The following BRAF variants were observed in gnomAD, a reference collection of about 807,000 sequenced individuals.
BRAF encodes serine/threonine-protein kinase B-raf.
BRAF carries 16 observed loss-of-function variants against 104.6 expected under a neutral mutation model. The observed-to-expected ratio is 0.15, with a 90% CI of 0.10 to 0.23. The LOEUF (loss-of-function observed/expected upper bound fraction) is 0.23, where lower values mean the gene tolerates loss of function less well. Among genes scored for constraint, BRAF ranks in the 10% least tolerant of loss-of-function variants. The pLI is 1.00. For missense variants in BRAF, 541 were observed against 937.3 expected, an observed-to-expected ratio of 0.58 and a Z score of 5.52; for synonymous variants, 310 against 341.6, an observed-to-expected ratio of 0.91 and a Z score of 1.02.
intron 8 of BRAF, among the ~76,000 whole-genome samples, chr7:140,790,435 T>C (rs1801835998): frequency 6.6e-6 from 1 of 152,196 alleles, no homozygotes; most frequent in Admixed American, 6.5e-5. Flanking sequence ...TTACATCCCT[T>C]CCCTTCATCA....
intron 14 of BRAF, among the ~76,000 whole-genome samples, chr7:140,764,203 A>G (rs1362928593): frequency 2.0e-5 from 3 of 151,692 alleles, no homozygotes; most frequent in Non-Finnish European, 4.4e-5. Flanking sequence ...AAACCACATG[A>G]TTATCTCAAT....
chr7:140,867,438 T>G (rs866430037), intron 1 of BRAF, among the ~76,000 whole-genome samples: 2 of 152,072 alleles, frequency 1.3e-5, no homozygotes, highest in Middle Eastern at 3.4e-3. Context: ...ATTTAATGAG[T>G]GCCAGGGTTC....
At chr7:140,740,053 G>GT in intron 17 of BRAF, 107 bp from the exon 17 acceptor site, 1 of 1,231,850 alleles carries the variant, frequency 8.1e-7, no homozygotes, top group Non-Finnish European at 1.1e-6. Context: ...AGCTTACGAT[G>GT]TATGTATTAC....
At chr7:140,760,349 G>A (rs1798573685) in intron 14 of BRAF, among the ~76,000 whole-genome samples, 1 of 151,574 alleles carries the variant, frequency 6.6e-6, no homozygotes, top group South Asian at 2.1e-4. Context: ...GGAGACAGAG[G>A]TTGTAGTGAG....
chr7:140,902,959 T>A (rs1413413164), intron 1 of BRAF, among the ~76,000 whole-genome samples: 1 of 149,410 alleles, frequency 6.7e-6, no homozygotes, highest in African/African-American at 2.5e-5. Flanking sequence ...AGTTTCGCTC[T>A]TTTTGCCTAG....
chr7:140,754,361 A>G, intron 14 of BRAF, 128 bp from the exon 14 acceptor site: 2 of 783,952 alleles, frequency 2.6e-6, no homozygotes, highest in Non-Finnish European at 4.5e-6. Context: ...GTACATTGTA[A>G]TAAACCCTTC....
intron 1 of BRAF, among the ~76,000 whole-genome samples, chr7:140,875,958 C>A (rs1000763917): frequency 6.6e-6 from 1 of 152,160 alleles, no homozygotes; most frequent in African/African-American, 2.4e-5. Flanking sequence ...AAATTCCTCA[C>A]ACAGAAGGGA....
chr7:140,908,706 G>A (rs2129137333), intron 1 of BRAF, among the ~76,000 whole-genome samples: 1 of 152,284 alleles, frequency 6.6e-6, no homozygotes, highest in South Asian at 2.1e-4. Flanking sequence ...TGTGTAGACA[G>A]TTCAGTTGTT....
intron 14 of BRAF, among the ~76,000 whole-genome samples, chr7:140,761,350 C>T (rs1418603238): frequency 6.6e-5 from 10 of 151,914 alleles, no homozygotes; most frequent in African/African-American, 2.2e-4. Flanking sequence ...AGAGATTTTG[C>T]CACCCCCAGG....
intron 1 of BRAF, among the ~76,000 whole-genome samples, chr7:140,915,890 G>A (rs1586647075): frequency 2.0e-5 from 3 of 150,964 alleles, no homozygotes; most frequent in South Asian, 4.3e-4. Flanking sequence ...TGGGTGCGGT[G>A]GCTCATGCCT....
At chr7:140,811,098 T>C (rs1238445644) in intron 3 of BRAF, among the ~76,000 whole-genome samples, 1 of 152,164 alleles carries the variant, frequency 6.6e-6, no homozygotes, top group Admixed American at 6.5e-5. Flanking sequence ...CAGCCGTGAG[T>C]TCAATGTTAA....
At chr7:140,916,710 C>T (rs1046355061) in intron 1 of BRAF, among the ~76,000 whole-genome samples, 4 of 152,130 alleles carry the variant, frequency 2.6e-5, no homozygotes, top group Non-Finnish European at 5.9e-5. Flanking sequence ...TGAACCTCAC[C>T]ACCACATAAT....
At chr7:140,884,999 T>G (rs975299120) in intron 1 of BRAF, among the ~76,000 whole-genome samples, 4 of 152,160 alleles carry the variant, frequency 2.6e-5, no homozygotes, top group African/African-American at 4.8e-5. Context: ...TATTTGTTTG[T>G]TTATTTATTC....
At chr7:140,871,198 C>T (rs945106846) in intron 1 of BRAF, among the ~76,000 whole-genome samples, 1 of 140,346 alleles carries the variant, frequency 7.1e-6, no homozygotes, top group Non-Finnish European at 1.6e-5. Context: ...GCCGAGATCG[C>T]GCCACTACTC....
chr7:140,916,362 CAT>C (rs1276741824), intron 1 of BRAF, among the ~76,000 whole-genome samples: 1 of 152,132 alleles, frequency 6.6e-6, no homozygotes, highest in Non-Finnish European at 1.5e-5. Context: ...TTAGAAGAAA[CAT>C]AATGATTTAA....
intron 19 of BRAF, chr7:140,733,833 C>A: frequency 4.2e-6 from 1 of 240,104 alleles, no homozygotes; most frequent in East Asian, 1.6e-4. Context: ...GGGAGCAATG[C>A]GTTTGCAACA....
chr7:140,719,782 TG>T lies in BRAF; in HGVS notation c.*6711del. On this transcript the variant is annotated 3_prime_UTR_variant, in exon 20 of 20. Coordinates refer to ENST00000644969, the MANE Select transcript of BRAF (RefSeq NM_001374258.1). ...TGCAAAGCAGGTATAGAGAGGTCTG[TG>T]GACAATTAAAAAGTCCCCATCTTTT... 1 of 1,062,802 alleles carries T rather than the reference TG, an allele frequency of 9.4e-7. No individual in the cohort carries two copies. Among genetic ancestry groups the T allele is most frequent in the Non-Finnish European group, 1.1e-6 (1 of 877,760 alleles). The allele number at this position is 1,062,802 out of a possible 1,614,324, so 65.8% of individuals were successfully genotyped here.
At chr7:140,735,315 G>A (rs1300037620) in intron 18 of BRAF, among the ~76,000 whole-genome samples, 1 of 152,174 alleles carries the variant, frequency 6.6e-6, no homozygotes, top group Admixed American at 6.5e-5. Context: ...AGTGACAGGG[G>A]ACAACCCAAG....
Position 140,722,713 on chromosome 7 carries a change from C to CA in BRAF, c.*3780dup. On this transcript the variant is annotated 3_prime_UTR_variant, in exon 20 of 20. Transcript: ENST00000644969. ...TTTCTATGAATGCCTGTGCATGTGACAAAGCTGCAGCAAACTCATTATGAG... is the reference window on the plus strand; with the variant it reads ...TTTCTATGAATGCCTGTGCATGTGACAAAAGCTGCAGCAAACTCATTATGAG... 1 of 1,050,938 alleles carries CA rather than the reference C, an allele frequency of 9.5e-7. No individual in the cohort carries two copies. The highest frequency in any genetic ancestry group is 1.1e-6 in the Non-Finnish European group (1 of 870,374). The allele number at this position is 1,050,938 out of a possible 1,614,324, so 65.1% of individuals were successfully genotyped here.
Sources: gnomAD v4.1 joint callset for allele counts (sites outside exome capture counted in the v4.1 genomes callset) on GRCh38, gnomAD v4.1.1 for gene constraint, MANE v1.5 for transcripts, NCBI Gene and HGNC (gene_info 2026-07-23, HGNC 2026-07-21) for gene names.